Variants in GPD2 observed in about 807,000 individuals in gnomAD.
GPD2 encodes the protein glycerol-3-phosphate dehydrogenase 2.
GPD2 carries 54 observed loss-of-function variants against 82.4 expected under a neutral mutation model. The observed-to-expected ratio is 0.66, with a 90% CI of 0.53 to 0.82. GPD2 has a LOEUF of 0.82. Among genes scored for constraint, GPD2 ranks in the 40% least tolerant of loss-of-function variants. The probability of loss-of-function intolerance (pLI) is 0.00; values close to 1 mark genes in which losing one functional copy is unlikely to be tolerated. For missense variants in GPD2, 748 were observed against 896.2 expected (o/e 0.83, Z 2.11); for synonymous variants, 288 against 306.1 (o/e 0.94, Z 0.62).
intron 3 of GPD2, among the ~76,000 whole-genome samples, chr2:156,498,310 G>A (rs1684460210): frequency 1.3e-5 from 2 of 152,168 alleles, no homozygotes; most frequent in African/African-American, 4.8e-5. Context: ...CACATTACAT[G>A]ATAGAGAATA....
At chr2:156,460,031 C>T (rs944186121) in intron 1 of GPD2, among the ~76,000 whole-genome samples, 1 of 152,224 alleles carries the variant, frequency 6.6e-6, no homozygotes, top group Non-Finnish European at 1.5e-5. Flanking sequence ...TCACTTGCCT[C>T]CTGACTGCTT....
At chr2:156,531,449 G>A (rs572799536) in intron 6 of GPD2, among the ~76,000 whole-genome samples, 1 of 152,230 alleles carries the variant, frequency 6.6e-6, no homozygotes, top group Non-Finnish European at 1.5e-5. Flanking sequence ...CTGCACATCA[G>A]CACTGGCCCT....
At chr2:156,528,117 AAAAT>A (rs1453582343) in intron 6 of GPD2, among the ~76,000 whole-genome samples, 1 of 152,208 alleles carries the variant, frequency 6.6e-6, no homozygotes, top group Non-Finnish European at 1.5e-5. Context: ...ATAAAAGAAT[AAAAT>A]AAACCCAATT....
At chr2:156,568,344 A>G (rs1172001009) in intron 9 of GPD2, among the ~76,000 whole-genome samples, 1 of 152,160 alleles carries the variant, frequency 6.6e-6, no homozygotes, top group Non-Finnish European at 1.5e-5. Context: ...AGAGGGTGGT[A>G]TTGATGAGGG....
intron 8 of GPD2, 108 bp downstream of exon 8, chr2:156,550,854 C>A: frequency 2.2e-6 from 2 of 924,644 alleles, no homozygotes; most frequent in Non-Finnish European, 3.4e-6. Context: ...ACTTGCTGTT[C>A]AAAATCAGGA....
intron 8 of GPD2, among the ~76,000 whole-genome samples, chr2:156,552,442 C>A (rs138696122): frequency 6.6e-6 from 1 of 152,106 alleles, no homozygotes; most frequent in Non-Finnish European, 1.5e-5. Context: ...CTTTTGTGTT[C>A]GATTAAAAAT....
intron 2 of GPD2, 131 bp downstream of exon 2, chr2:156,476,338 T>C: frequency 1.4e-6 from 1 of 700,010 alleles, no homozygotes; most frequent in Non-Finnish European, 2.6e-6. Flanking sequence ...ATCTGAAAGA[T>C]ACTAATTTAG....
At chr2:156,454,878 G>T (rs1682734830) in intron 1 of GPD2, among the ~76,000 whole-genome samples, 1 of 152,120 alleles carries the variant, frequency 6.6e-6, no homozygotes, top group African/African-American at 2.4e-5. Context: ...CCTTCTTAGT[G>T]TGTCTGTAGC....
chr2:156,409,060 T>C, the GPD2 span, among the ~76,000 whole-genome samples: 4 of 152,160 alleles, frequency 2.6e-5, no homozygotes, highest in African/African-American at 9.7e-5. Flanking sequence ...GTGATGCTTC[T>C]ATAAACTAAG....
At chr2:156,407,712 A>G in the GPD2 span, among the ~76,000 whole-genome samples, 2 of 152,178 alleles carry the variant, frequency 1.3e-5, no homozygotes, top group African/African-American at 4.8e-5. Context: ...GAACAATGCT[A>G]CAGTGAATGC....
intron 3 of GPD2, among the ~76,000 whole-genome samples, chr2:156,502,089 G>A (rs570348433): frequency 1.3e-3 from 172 of 134,188 alleles, no homozygotes; most frequent in African/African-American, 4.4e-3. Context: ...CACTCCCCCC[G>A]ATTTATATAT....
intron 9 of GPD2, among the ~76,000 whole-genome samples, chr2:156,558,667 A>T (rs189576321): frequency 6.6e-6 from 1 of 151,412 alleles, no homozygotes. Flanking sequence ...GTGTGATCTC[A>T]GCTCACTGCA....
chr2:156,422,580 A>G, the GPD2 span, among the ~76,000 whole-genome samples: 1 of 152,036 alleles, frequency 6.6e-6, no homozygotes, highest in Non-Finnish European at 1.5e-5. Context: ...AATACAAAAA[A>G]TTAGCGGGGC....
intron 1 of GPD2, among the ~76,000 whole-genome samples, chr2:156,458,998 A>C (rs1682885053): frequency 1.6e-5 from 1 of 62,768 alleles, no homozygotes; most frequent in African/African-American, 4.8e-5. Flanking sequence ...CATATACTTT[A>C]AAATAGAAAT....
chr2:156,476,135 G>A lies in GPD2; in HGVS notation c.30G>A (p.Thr10=), dbSNP rs572409828. 9.9e-6 allele frequency: 16 copies of A among 1,609,856 alleles called. No homozygotes were observed. In the East Asian group the frequency reaches 1.1e-4, roughly 11 times the overall value. MAFQKAVKG[T]ILVGGGALAT... ...CATTTCAAAAGGCAGTGAAAGGGAC[G>A]ATTCTTGTTGGAGGAGGTGCTCTTG... The change falls in exon 2 of 17, where the codon ACG becomes ACA. Residue 10 remains threonine, a synonymous_variant. Coordinates refer to ENST00000438166, the MANE Select transcript of GPD2 (RefSeq NM_000408.5).
chr2:156,495,499 C>A, intron 2 of GPD2: 3 of 311,022 alleles, frequency 9.6e-6, no homozygotes, highest in Admixed American at 4.3e-5. Flanking sequence ...TTATTTAGTA[C>A]CTTCTGTTAA....
chr2:156,515,950 A>G (rs1685182363), intron 6 of GPD2, among the ~76,000 whole-genome samples: 1 of 152,242 alleles, frequency 6.6e-6, no homozygotes, highest in South Asian at 2.1e-4. Context: ...ATCAAATTGA[A>G]TATCGACATG....
chr2:156,530,243 CT>C (rs1363507266), intron 6 of GPD2, among the ~76,000 whole-genome samples: 1 of 97,768 alleles, frequency 1.0e-5, no homozygotes, highest in Non-Finnish European at 2.2e-5. Context: ...CTCTGTTTGT[CT>C]GTTGTTGGTG....
intron 13 of GPD2, among the ~76,000 whole-genome samples, chr2:156,576,918 T>G (rs1687841835): frequency 6.6e-6 from 1 of 152,136 alleles, no homozygotes; most frequent in African/African-American, 2.4e-5. Flanking sequence ...CAAAATAATT[T>G]TATTTATGAC....
Sources: gnomAD v4.1 joint callset for allele counts (sites outside exome capture counted in the v4.1 genomes callset) on GRCh38, gnomAD v4.1.1 for gene constraint, MANE v1.5 for transcripts, NCBI Gene and HGNC (gene_info 2026-07-23, HGNC 2026-07-21) for gene names.